Variants in SATB2 observed in about 807,000 individuals in gnomAD.
The protein encoded by SATB2 is SATB homeobox 2.
SATB2 carries 1 observed loss-of-function variant against 73.4 expected under a neutral mutation model. The observed-to-expected ratio is 0.01, with a 90% CI of 0.00 to 0.06. SATB2 has a LOEUF of 0.06. Ranked by LOEUF, SATB2 falls within the 10% of genes least tolerant of loss-of-function variation. SATB2 has a pLI of 1.00. For missense variants in SATB2, 459 were observed against 945.8 expected (o/e 0.49, Z 6.75); for synonymous variants, 397 against 367.0 (o/e 1.08, Z -0.93).
intron 3 of SATB2, chr2:199,397,837 C>T: frequency 2.6e-6 from 1 of 386,528 alleles, no homozygotes; most frequent in African/African-American, 2.2e-5. Flanking sequence ...TGCTGCTCTC[C>T]AGCCTAGGCG....
At position 199,328,703 on chromosome 2, in the gene SATB2, G is replaced by C. The variant is rs1451676503; in HGVS notation, c.1381C>G (p.Pro461Ala). 6.2e-7 allele frequency: 1 copy of C among 1,612,510 alleles called. No homozygotes were observed. The highest frequency in any genetic ancestry group is 1.1e-5 in the South Asian group (1 of 91,028). ...ACGGAAAGCAAGTTTCTCACCTGAG[G>C]GGTTCGGGAGGAGCTGGGACTGCTG... ...ASSSPSSSRT[P>A]QAKTSTPTTD... Residue 461 changes from proline to alanine, a missense_variant, in exon 8 of 11, where the codon CCT (proline) becomes GCT (alanine). Around this residue, in one of 13 missense-constraint regions of SATB2, gnomAD observed 53 missense variants for 70.5 expected, o/e 0.75. Transcript: ENST00000417098.
intron 3 of SATB2, among the ~76,000 whole-genome samples, chr2:199,416,038 T>G (rs920812913): frequency 2.0e-5 from 3 of 152,138 alleles, no homozygotes; most frequent in African/African-American, 7.2e-5. Context: ...TCAGCAGGGG[T>G]GAGTACAAAG....
rs34507550 is a variant in SATB2 at position 199,392,416 on chromosome 2, G to GAA, written c.347-10598_347-10597dup. 1.7e-3 allele frequency among the ~76,000 whole-genome samples: 242 copies of GAA among 145,386 alleles called. 1 individual carries two copies. In the South Asian group the frequency reaches 0.017, roughly 10 times the overall value. On this transcript the variant is annotated intron_variant, in intron 3 of 10. Coordinates refer to ENST00000417098, the MANE Select transcript of SATB2 (RefSeq NM_001172509.2). ...CATAGGCTGAATAGACAATACCCAG[G>GAA]AAAAAAAAAAATAGTTTCTTGTGTA... is the stretch of plus-strand genomic sequence containing the variant.
Position 199,463,105 on chromosome 2 carries a change from C to G in SATB2, c.-141+1731G>C, listed in dbSNP as rs1434209525. On this transcript the variant is annotated intron_variant, in intron 1 of 11. Coordinates refer to the SATB2 transcript ENST00000260926. The surrounding 1 kb of genome is among the most constrained non-coding windows in gnomAD (Gnocchi z 6.4). ...CTTCGGCGGCCGCGGGCCGGGGGACCGGGGAAGACGGAGGGTCCTGCGGCC... is the reference window on the plus strand; with the variant it reads ...CTTCGGCGGCCGCGGGCCGGGGGACGGGGGAAGACGGAGGGTCCTGCGGCC... Among the ~76,000 whole-genome samples the G allele has an allele frequency of 6.6e-6, 1 of 152,062 alleles. No individual in the cohort carries two copies. Among genetic ancestry groups the G allele is most frequent in the African/African-American group, 2.4e-5 (1 of 41,412 alleles).
chr2:199,336,243 G>T (rs73067516), intron 7 of SATB2, among the ~76,000 whole-genome samples: 1 of 152,176 alleles, frequency 6.6e-6, no homozygotes, highest in Non-Finnish European at 1.5e-5. Flanking sequence ...GAACTGAACA[G>T]GTTCCCTTTG....
At chr2:199,298,734 G>C (rs1487094644) in intron 10 of SATB2, among the ~76,000 whole-genome samples, 3 of 152,130 alleles carry the variant, frequency 2.0e-5, no homozygotes, top group Non-Finnish European at 4.4e-5. Context: ...ATCAAAGTAT[G>C]TGAAACAAGT....
At chr2:199,424,963 C>G (rs981817796) in intron 3 of SATB2, among the ~76,000 whole-genome samples, 2 of 152,162 alleles carry the variant, frequency 1.3e-5, no homozygotes, top group Admixed American at 6.5e-5. Context: ...CAAATGAGTT[C>G]CTTGAATGAA....
rs141244689 is a variant in SATB2, at chr2:199,413,336, C to T, written c.346+20002G>A. Among the ~76,000 whole-genome samples, 400 of 152,182 alleles carry T rather than the reference C, an allele frequency of 2.6e-3. 2 individuals are homozygous for T. The highest frequency in any genetic ancestry group is 8.7e-3 in the African/African-American group (363 of 41,524). ...ACACATGCATGTTTAATAATGATGCCGGAGCTAAAGCCTGGTTTTCCTAAC... is the reference window on the plus strand; with the variant it reads ...ACACATGCATGTTTAATAATGATGCTGGAGCTAAAGCCTGGTTTTCCTAAC... On this transcript the variant is annotated intron_variant, in intron 3 of 10. Transcript: ENST00000417098.
chr2:199,323,968 G>A lies in SATB2; in HGVS notation c.1387-10C>T, dbSNP rs1574506260. On this transcript the variant is annotated splice_polypyrimidine_tract_variant and intron_variant, in intron 8 of 10. Transcript: ENST00000417098. ...GTGTCGAGGTTTTGGCCTACCAAGA[G>A]ACCATGAAAATAATAATTTAAAAAG... The A allele has an allele frequency of 1.2e-6, 2 of 1,613,182 alleles. No individual in the cohort carries two copies.
intron 6 of SATB2, among the ~76,000 whole-genome samples, chr2:199,363,363 G>A (rs1468361652): frequency 6.6e-6 from 1 of 152,206 alleles, no homozygotes; most frequent in Non-Finnish European, 1.5e-5. Context: ...TAGAACTGGA[G>A]AACGTTGTGC....
chr2:199,438,606 G>A (rs911251841), intron 2 of SATB2, among the ~76,000 whole-genome samples: 15 of 152,210 alleles, frequency 9.9e-5, no homozygotes, highest in African/African-American at 3.6e-4. Context: ...AAAGTGACCT[G>A]AGGAATGCGT....
intron 2 of SATB2, among the ~76,000 whole-genome samples, chr2:199,443,626 A>G (rs758691790): frequency 1.3e-5 from 2 of 152,038 alleles, no homozygotes; most frequent in Non-Finnish European, 2.9e-5. Context: ...ACATTTACGG[A>G]TACTTAATAG....
At chr2:199,423,238 T>C (rs1028993922) in intron 3 of SATB2, among the ~76,000 whole-genome samples, 2 of 152,148 alleles carry the variant, frequency 1.3e-5, no homozygotes, top group Non-Finnish European at 2.9e-5. Flanking sequence ...TATAAGAATG[T>C]AAGTATCTTG....
intron 6 of SATB2, among the ~76,000 whole-genome samples, chr2:199,353,146 G>GTTT (rs1688868806): frequency 4.5e-5 from 4 of 88,682 alleles, no homozygotes; most frequent in African/African-American, 1.2e-4. Flanking sequence ...ACACGTTTTT[G>GTTT]TCTTTTTTTT....
At chr2:199,335,674 G>T (rs953721187) in intron 7 of SATB2, among the ~76,000 whole-genome samples, 2 of 152,124 alleles carry the variant, frequency 1.3e-5, no homozygotes, top group Non-Finnish European at 2.9e-5. Flanking sequence ...GCTGAACAGC[G>T]AACAGCAGGC....
chr2:199,381,651 C>A (rs775913125), intron 4 of SATB2, 43 bp downstream of exon 4: 2 of 1,611,940 alleles, frequency 1.2e-6, no homozygotes, highest in African/African-American at 1.3e-5. Flanking sequence ...ATTGACGGAG[C>A]AGCTCTGACA....
At chr2:199,461,169 C>T (rs1293884550), upstream of SATB2, among the ~76,000 whole-genome samples, 1 of 152,178 alleles carries the variant, frequency 6.6e-6, no homozygotes, top group African/African-American at 2.4e-5. Flanking sequence ...AAGGAGAGTT[C>T]TAGGAAGTTT....
chr2:199,316,705 C>T (rs1262825829), intron 9 of SATB2, among the ~76,000 whole-genome samples: 1 of 151,934 alleles, frequency 6.6e-6, no homozygotes, highest in Non-Finnish European at 1.5e-5. Context: ...ATTTTGTTGC[C>T]CTCCTTAGCA....
intron 6 of SATB2, among the ~76,000 whole-genome samples, chr2:199,366,311 T>C (rs1323563679): frequency 6.6e-6 from 1 of 152,042 alleles, no homozygotes; most frequent in African/African-American, 2.4e-5. Flanking sequence ...GACACAACTC[T>C]TACAAATCAA....
Sources: gnomAD v4.1 joint callset for allele counts (sites outside exome capture counted in the v4.1 genomes callset) on GRCh38, gnomAD v4.1.1 for gene constraint, gnomAD v4.1.1 regional missense constraint, Gnocchi (gnomAD v3.1) non-coding constraint, MANE v1.5 for transcripts, NCBI Gene and HGNC (gene_info 2026-07-23, HGNC 2026-07-21) for gene names.